The following SUSD5 variants were observed in gnomAD, a reference collection of about 807,000 sequenced individuals.
The protein encoded by SUSD5 is sushi domain containing 5, also known as sushi domain-containing protein 5.
Under a neutral mutation model 29.5 loss-of-function variants are expected in SUSD5, and 33 were observed. The observed-to-expected ratio is 1.12, with a 90% CI of 0.85 to 1.49. The LOEUF (loss-of-function observed/expected upper bound fraction) is 1.49, where lower values mean the gene tolerates loss of function less well. SUSD5 is among the 40% of genes most tolerant of loss of function. The probability of loss-of-function intolerance (pLI) is 0.00; values close to 1 mark genes in which losing one functional copy is unlikely to be tolerated. For missense variants in SUSD5, 776 were observed against 800.6 expected (o/e 0.97, Z 0.37); for synonymous variants, 308 against 325.3 (o/e 0.95, Z 0.57).
At chr3:33,164,816 T>TACC (rs2031271084) in intron 4 of SUSD5, among the ~76,000 whole-genome samples, 1 of 152,146 alleles carries the variant, frequency 6.6e-6, no homozygotes, top group Non-Finnish European at 1.5e-5. Flanking sequence ...CATCACAACA[T>TACC]ACCCATCAAT....
intron 4 of SUSD5, 25 bp downstream of exon 4, chr3:33,174,861 G>C (rs759450128): frequency 6.2e-7 from 1 of 1,610,928 alleles, no homozygotes; most frequent in South Asian, 1.1e-5. Flanking sequence ...GGCACGCGAA[G>C]GTGGCCCATC....
chr3:33,158,290 A>C (rs370717369), intron 4 of SUSD5, among the ~76,000 whole-genome samples: 1 of 152,168 alleles, frequency 6.6e-6, no homozygotes, highest in African/African-American at 2.4e-5. Context: ...ACCCTCTGAA[A>C]AGACGCCATT....
chr3:33,179,564 A>G (rs573005151), intron 3 of SUSD5, among the ~76,000 whole-genome samples: 1 of 152,344 alleles, frequency 6.6e-6, no homozygotes, highest in African/African-American at 2.4e-5. Flanking sequence ...CCTATTACCA[A>G]ACAAGGTAGG....
chr3:33,155,021 G>T (rs2031018488), intron 4 of SUSD5, among the ~76,000 whole-genome samples: 1 of 152,206 alleles, frequency 6.6e-6, no homozygotes, highest in South Asian at 2.1e-4. Flanking sequence ...AACATTTCAA[G>T]ATTTACTATA....
rs764560237 is a variant in SUSD5, at chr3:33,204,383, C to A, written c.409+3425G>T. Among the ~76,000 whole-genome samples, 1 of 150,806 alleles carries A rather than the reference C, an allele frequency of 6.6e-6. No homozygotes were observed. The highest frequency in any genetic ancestry group is 1.5e-5 in the Non-Finnish European group (1 of 67,680). On this transcript the variant is annotated intron_variant, in intron 3 of 4. Coordinates refer to ENST00000309558, the MANE Select transcript of SUSD5 (RefSeq NM_015551.2). This position sits in a 1 kb window ranked among gnomAD's most constrained non-coding sequence, Gnocchi z 4.5. ...TCACCCAGGGTGGAGTGCAGTGGTG[C>A]GATCTCGGCTCACTGCAAGCTCCGC...
intron 4 of SUSD5, among the ~76,000 whole-genome samples, chr3:33,154,693 A>G (rs969831715): frequency 6.6e-6 from 1 of 152,228 alleles, no homozygotes; most frequent in African/African-American, 2.4e-5. Context: ...TAAAAAAACC[A>G]AACACATAGG....
At chr3:33,165,694 C>G (rs376431363) in intron 4 of SUSD5, among the ~76,000 whole-genome samples, 1 of 152,282 alleles carries the variant, frequency 6.6e-6, no homozygotes, top group South Asian at 2.1e-4. Flanking sequence ...TTCACCTCAT[C>G]ATGTTCAGTG....
intron 3 of SUSD5, among the ~76,000 whole-genome samples, chr3:33,205,896 TG>T (rs1290222944): frequency 6.6e-6 from 1 of 152,192 alleles, no homozygotes; most frequent in Non-Finnish European, 1.5e-5. Context: ...CACTACATTT[TG>T]GGGTGATATG....
intron 4 of SUSD5, among the ~76,000 whole-genome samples, chr3:33,170,926 G>A (rs1202059226): frequency 6.6e-6 from 1 of 152,218 alleles, no homozygotes; most frequent in African/African-American, 2.4e-5. Context: ...CAGCACATAG[G>A]TGAAAGAGAA....
In SUSD5 at chr3:33,153,854, T is replaced by C. The variant is rs2030982594; in HGVS notation, c.778A>G (p.Ile260Val). The change falls in exon 5 of 5, where the codon ATA becomes GTA. Residue 260 changes from isoleucine to valine, a missense_variant. By Grantham distance (29) the Ile-to-Val change is conservative. Coordinates refer to ENST00000309558, the MANE Select transcript of SUSD5 (RefSeq NM_015551.2). ...GGCACAAAGACTTTATCCCGGGCTATGTTTTCTCTCCCCACAGAAATGGAG... is the reference window on the plus strand; with the variant it reads ...GGCACAAAGACTTTATCCCGGGCTACGTTTTCTCTCCCCACAGAAATGGAG... ...LVSISVGREN[I>V]ARDKVFVPTT... 3.1e-6 allele frequency: 5 copies of C among 1,614,000 alleles called. No individual in the cohort carries two copies. The Middle Eastern group carries it at 4.9e-4, about 160-fold the overall frequency.
chr3:33,158,349 G>A (rs939015732), intron 4 of SUSD5, among the ~76,000 whole-genome samples: 7 of 152,074 alleles, frequency 4.6e-5, no homozygotes, highest in South Asian at 2.1e-4. Context: ...CACCACATAC[G>A]TGCACACAAC....
At chr3:33,181,015 T>TA (rs1162053400) in intron 3 of SUSD5, among the ~76,000 whole-genome samples, 2 of 149,744 alleles carry the variant, frequency 1.3e-5, no homozygotes, top group Non-Finnish European at 3.0e-5. Context: ...ATTTAAAAAA[T>TA]AAAAAAAGTA....
intron 3 of SUSD5, among the ~76,000 whole-genome samples, chr3:33,176,545 T>C (rs553327366): frequency 6.6e-6 from 1 of 152,326 alleles, no homozygotes; most frequent in African/African-American, 2.4e-5. Flanking sequence ...TTTTCCCAAG[T>C]CTGTGACCCA....
intron 3 of SUSD5, among the ~76,000 whole-genome samples, chr3:33,200,381 CA>C (rs928606426): frequency 1.3e-5 from 2 of 152,170 alleles, no homozygotes; most frequent in African/African-American, 4.8e-5. Flanking sequence ...TTTGCTGTAA[CA>C]AATACCTAAA....
At chr3:33,164,371 T>C (rs1042242188) in intron 4 of SUSD5, among the ~76,000 whole-genome samples, 6 of 152,274 alleles carry the variant, frequency 3.9e-5, no homozygotes, top group African/African-American at 1.4e-4. Flanking sequence ...TTAATGAGTA[T>C]AAAGTTTCAG....
chr3:33,160,960 G>A (rs1319816552), intron 4 of SUSD5, among the ~76,000 whole-genome samples: 2 of 152,110 alleles, frequency 1.3e-5, no homozygotes, highest in African/African-American at 2.4e-5. Flanking sequence ...GTTTGATAAA[G>A]CAACAATAAG....
chr3:33,168,213 C>T (rs1199669017), intron 4 of SUSD5, among the ~76,000 whole-genome samples: 2 of 152,160 alleles, frequency 1.3e-5, no homozygotes, highest in East Asian at 3.9e-4. Flanking sequence ...TTTTACTTTG[C>T]TGCCTTTCTG....
intron 2 of SUSD5, among the ~76,000 whole-genome samples, chr3:33,212,359 T>C (rs1032184106): frequency 3.3e-5 from 5 of 152,266 alleles, no homozygotes; most frequent in African/African-American, 1.2e-4. Context: ...GGCAAGACTT[T>C]GTTTCTACAA....
chr3:33,205,281 C>T (rs958106231), intron 3 of SUSD5, among the ~76,000 whole-genome samples: 11 of 152,134 alleles, frequency 7.2e-5, no homozygotes, highest in African/African-American at 2.7e-4. Context: ...TCCAGGATCA[C>T]GAATTGTATT....
Sources: gnomAD v4.1 joint callset for allele counts (sites outside exome capture counted in the v4.1 genomes callset) on GRCh38, gnomAD v4.1.1 for gene constraint, Gnocchi (gnomAD v3.1) non-coding constraint, MANE v1.5 for transcripts, NCBI Gene and HGNC (gene_info 2026-07-23, HGNC 2026-07-21) for gene names.